The following ZNF136 variants were observed in gnomAD, a reference collection of about 807,000 sequenced individuals.
ZNF136 encodes the protein zinc finger protein 136, also known as zinc finger protein 136 (clone pHZ-20).
In ZNF136, 8 loss-of-function variants were observed where a neutral mutation model predicts 11.4. The observed-to-expected ratio is 0.70, with a 90% confidence interval of 0.41 to 1.27. ZNF136 has a LOEUF of 1.27. ZNF136 is among the 50% of genes most tolerant of loss of function. The pLI, the probability that ZNF136 is intolerant of heterozygous loss-of-function variation, is 0.01. For missense variants in ZNF136, 590 were observed against 656.5 expected (o/e 0.90, Z 1.11); for synonymous variants, 190 against 207.1 (o/e 0.92, Z 0.71).
At chr19:12,182,820 T>C (rs905730439) in intron 1 of ZNF136, among the ~76,000 whole-genome samples, 12 of 152,052 alleles carry the variant, frequency 7.9e-5, no homozygotes, top group East Asian at 1.9e-4. Flanking sequence ...AGGATGGGGG[T>C]TGGGGGGATG....
In ZNF136 at chr19:12,187,380, A is replaced by G. The variant is rs1314125416; in HGVS notation, c.1002A>G (p.Lys334=). The part of the protein sequence containing the change: ...RLHERIHTGE[K]PFVCKQCGKA... ...ATGAAAGAATTCACACTGGTGAGAA[A>G]CCCTTCGTATGTAAACAATGTGGTA... is the stretch of plus-strand genomic sequence containing the variant. Residue 334 remains lysine, a synonymous_variant, in exon 4 of 4, where the codon AAA becomes AAG. Coordinates refer to ENST00000343979, the MANE Select transcript of ZNF136 (RefSeq NM_003437.5). The G allele has an allele frequency of 3.7e-6, 6 of 1,614,096 alleles. No individual in the cohort carries two copies. Among genetic ancestry groups the G allele is most frequent in the Non-Finnish European group, 5.1e-6 (6 of 1,180,002 alleles).
At chr19:12,175,867 C>T (rs775238314) in intron 1 of ZNF136, among the ~76,000 whole-genome samples, 10 of 152,168 alleles carry the variant, frequency 6.6e-5, no homozygotes, top group Admixed American at 1.3e-4. Flanking sequence ...TATGTCTTTT[C>T]TGCAGTGTTA....
chr19:12,167,991 G>A (rs949058928), intron 1 of ZNF136, among the ~76,000 whole-genome samples: 4 of 148,914 alleles, frequency 2.7e-5, no homozygotes, highest in East Asian at 2.0e-4. Context: ...ATTACTTCAC[G>A]GCCTTTTTTT....
intron 1 of ZNF136, among the ~76,000 whole-genome samples, chr19:12,173,727 C>G (rs1047249607): frequency 2.0e-5 from 3 of 152,140 alleles, no homozygotes; most frequent in Non-Finnish European, 4.4e-5. Flanking sequence ...AATTTGAAGC[C>G]TGTTGGTCAG....
intron 2 of ZNF136, 98 bp from the exon 3 acceptor site, chr19:12,186,016 C>A: frequency 6.3e-7 from 1 of 1,593,142 alleles, no homozygotes; most frequent in Non-Finnish European, 8.6e-7. Context: ...ACTTGGGGGG[C>A]TAAAACAGGC....
intron 1 of ZNF136, among the ~76,000 whole-genome samples, chr19:12,183,395 C>T (rs951307213): frequency 1.3e-5 from 2 of 152,098 alleles, no homozygotes; most frequent in Non-Finnish European, 2.9e-5. Context: ...CTTGGCCTCC[C>T]GAAGTGCTGG....
rs377264354 is a variant in ZNF136 at position 12,185,660 on chromosome 19, T to C, written c.4-125T>C. 4.2e-5 allele frequency: 54 copies of C among 1,280,314 alleles called. 1 individual carries two copies. In the East Asian group the frequency reaches 6.2e-4, roughly 15 times the overall value. The allele number at this position is 1,280,314 out of a possible 1,614,324, so 79.3% of individuals were successfully genotyped here. A position where few individuals can be genotyped will look rare whatever the true frequency, so the allele number is the denominator to read the frequency against. ...GCTGTGTGGAAGGAAGTGAGTATGATGACCAAACAGTGGAGTAAATGTTTG... is the reference window on the plus strand; with the variant it reads ...GCTGTGTGGAAGGAAGTGAGTATGACGACCAAACAGTGGAGTAAATGTTTG... On this transcript the variant is annotated intron_variant, in intron 1 of 3. Coordinates refer to ENST00000343979, the MANE Select transcript of ZNF136 (RefSeq NM_003437.5).
At chr19:12,173,142 C>T (rs1206978895) in intron 1 of ZNF136, among the ~76,000 whole-genome samples, 1 of 152,022 alleles carries the variant, frequency 6.6e-6, no homozygotes, top group African/African-American at 2.4e-5. Context: ...GAATTGTGGG[C>T]CAAATCCTTT....
Position 12,187,898 on chromosome 19 carries a change from A to G in ZNF136, c.1520A>G (p.Lys507Arg). ...THTGQKPYHC[K>R]ECGKAYSCRA... is the part of the protein sequence containing the mutation. ...ACTGGACAGAAACCCTATCATTGCA[A>G]GGAATGTGGGAAAGCCTATTCTTGC... Residue 507 changes from lysine to arginine, a missense_variant, in exon 4 of 4, where the codon AAG (lysine) becomes AGG (arginine). Transcript: ENST00000343979. 1 of 1,597,486 alleles carries G rather than the reference A, an allele frequency of 6.3e-7. No homozygotes were observed. The highest frequency in any genetic ancestry group is 8.5e-7 in the Non-Finnish European group (1 of 1,174,718).
At chr19:12,175,708 C>T (rs1914772923) in intron 1 of ZNF136, among the ~76,000 whole-genome samples, 1 of 152,174 alleles carries the variant, frequency 6.6e-6, no homozygotes, top group African/African-American at 2.4e-5. Flanking sequence ...TGCAGTTGTA[C>T]ATTCTGTGAG....
chr19:12,188,140 G>T lies in ZNF136; in HGVS notation c.*139G>T. 1.7e-6 allele frequency: 1 copy of T among 598,470 alleles called. No individual in the cohort carries two copies. Among genetic ancestry groups the T allele is most frequent in the Non-Finnish European group, 2.6e-6 (1 of 386,170 alleles). The allele number at this position is 598,470 out of a possible 1,614,324, so 37.1% of individuals were successfully genotyped here. A position where few individuals can be genotyped will look rare whatever the true frequency, so the allele number is the denominator to read the frequency against. ...AATTCTAGAGAGAAGCCATATACAT[G>T]TAAGTAACATGGGAAAGCTTTCAAT... On this transcript the variant is annotated 3_prime_UTR_variant, in exon 4 of 4. Coordinates refer to ENST00000343979, the MANE Select transcript of ZNF136 (RefSeq NM_003437.5).
At chr19:12,175,262 T>G (rs1568400036) in intron 1 of ZNF136, among the ~76,000 whole-genome samples, 1 of 151,832 alleles carries the variant, frequency 6.6e-6, no homozygotes, top group African/African-American at 2.4e-5. Flanking sequence ...TGATGCTATC[T>G]TGGCTCACCG....
intron 1 of ZNF136, among the ~76,000 whole-genome samples, chr19:12,181,023 G>A (rs1447264788): frequency 6.6e-6 from 1 of 152,212 alleles, no homozygotes; most frequent in Non-Finnish European, 1.5e-5. Flanking sequence ...TCAGAGCCCT[G>A]TCTGCCCCCA....
At chr19:12,173,027 A>G (rs780202465) in intron 1 of ZNF136, among the ~76,000 whole-genome samples, 2 of 152,066 alleles carry the variant, frequency 1.3e-5, no homozygotes, top group African/African-American at 2.4e-5. Flanking sequence ...AAACAAAAAA[A>G]TTCCCGGAGA....
chr19:12,166,319 ATGTT>A (rs953741086), intron 1 of ZNF136, among the ~76,000 whole-genome samples: 1 of 152,072 alleles, frequency 6.6e-6, no homozygotes, highest in African/African-American at 2.4e-5. Flanking sequence ...TATGTGTAGT[ATGTT>A]TGTCAGATCT....
rs768247062 is a variant in ZNF136, at chr19:12,185,926, C to G, written c.130+15C>G. On this transcript the variant is annotated intron_variant, in intron 2 of 3. Transcript: ENST00000343979. ...GGCCTCTATAGGTAAGGATTGTATACTTCCATCACTTAGCAATTAAAGAAG... is the reference window on the plus strand; with the variant it reads ...GGCCTCTATAGGTAAGGATTGTATAGTTCCATCACTTAGCAATTAAAGAAG... The G allele has an allele frequency of 3.6e-5, 58 of 1,611,056 alleles. No individual in the cohort carries two copies. Among genetic ancestry groups the G allele is most frequent in the Non-Finnish European group, 4.7e-5 (55 of 1,179,360 alleles).
At chr19:12,175,962 A>C (rs1914779833) in intron 1 of ZNF136, among the ~76,000 whole-genome samples, 1 of 151,930 alleles carries the variant, frequency 6.6e-6, no homozygotes, top group African/African-American at 2.4e-5. Context: ...GTGATCATGA[A>C]ATTTTTTTTA....
At chr19:12,167,278 A>T (rs991966658) in intron 1 of ZNF136, among the ~76,000 whole-genome samples, 1 of 152,230 alleles carries the variant, frequency 6.6e-6, no homozygotes, top group Non-Finnish European at 1.5e-5. Context: ...TAAGAAGCAG[A>T]ATCTCATTCT....
chr19:12,167,274 G>T (rs1476145609), intron 1 of ZNF136, among the ~76,000 whole-genome samples: 1 of 152,136 alleles, frequency 6.6e-6, no homozygotes, highest in Non-Finnish European at 1.5e-5. Flanking sequence ...CACCTAAGAA[G>T]CAGAATCTCA....
Sources: allele counts gnomAD v4.1 joint callset (sites outside exome capture counted in the v4.1 genomes callset), GRCh38; gene constraint gnomAD v4.1.1; transcripts MANE v1.5; gene names NCBI Gene and HGNC (gene_info 2026-07-23, HGNC 2026-07-21).